Variants in TSHZ3 observed in about 807,000 individuals in gnomAD.
TSHZ3 encodes teashirt zinc finger homeobox 3, also known as teashirt homolog 3.
A neutral mutation model predicts 64.5 loss-of-function variants in TSHZ3; 10 were observed. The ratio of observed to expected loss-of-function variants is 0.16; its 90% CI spans 0.10 to 0.26. TSHZ3 has a LOEUF of 0.26. Among genes scored for constraint, TSHZ3 ranks in the 10% least tolerant of loss-of-function variants. The pLI, the probability that TSHZ3 is intolerant of heterozygous loss-of-function variation, is 1.00. For missense variants in TSHZ3, 1,242 were observed against 1,421.7 expected, an observed-to-expected ratio of 0.87 and a Z score of 2.03; for synonymous variants, 608 against 593.1, an observed-to-expected ratio of 1.03 and a Z score of -0.36.
At chr19:31,295,981 T>C (rs894106051) in intron 1 of TSHZ3, among the ~76,000 whole-genome samples, 3 of 146,730 alleles carry the variant, frequency 2.0e-5, no homozygotes, top group Non-Finnish European at 3.0e-5. Context: ...CCCATCTTTA[T>C]GGCCATGTGT....
At chr19:31,335,470 T>G (rs1214745925) in intron 1 of TSHZ3, among the ~76,000 whole-genome samples, 1 of 152,202 alleles carries the variant, frequency 6.6e-6, no homozygotes, top group Non-Finnish European at 1.5e-5. Flanking sequence ...TCTCTGGCAT[T>G]CCTGCAGCAC....
At chr19:31,224,759 T>C (rs909022268) in intron 4 of TSHZ3, among the ~76,000 whole-genome samples, 1 of 152,170 alleles carries the variant, frequency 6.6e-6, no homozygotes. Context: ...TTAAAAACAA[T>C]AAAACAAGGG....
chr19:31,201,882 C>T (rs1975092205), intron 5 of TSHZ3, among the ~76,000 whole-genome samples: 2 of 152,138 alleles, frequency 1.3e-5, no homozygotes, highest in African/African-American at 4.8e-5. Context: ...CATAAAAAGT[C>T]ATGGCTGGGC....
chr19:31,165,656 C>T (rs927650316), intron 5 of TSHZ3, among the ~76,000 whole-genome samples: 4 of 152,070 alleles, frequency 2.6e-5, no homozygotes, highest in East Asian at 1.9e-4. Flanking sequence ...TGCCCTGACC[C>T]GGGGAGATCC....
intron 1 of TSHZ3, among the ~76,000 whole-genome samples, chr19:31,309,503 C>G (rs994525724): frequency 3.3e-5 from 5 of 152,138 alleles, no homozygotes; most frequent in Non-Finnish European, 7.3e-5. Context: ...ACATATGACA[C>G]TCATTTGAGG....
At chr19:31,212,955 G>A (rs1208421082) in intron 4 of TSHZ3, among the ~76,000 whole-genome samples, 1 of 152,034 alleles carries the variant, frequency 6.6e-6, no homozygotes, top group Non-Finnish European at 1.5e-5. Flanking sequence ...AAAAGACATG[G>A]GAGAATCTCA....
At chr19:31,316,403 G>A (rs573489832) in intron 1 of TSHZ3, among the ~76,000 whole-genome samples, 18 of 152,294 alleles carry the variant, frequency 1.2e-4, no homozygotes, top group African/African-American at 3.6e-4. Flanking sequence ...AATGCTGCTC[G>A]GAGACTCTGG....
intron 3 of TSHZ3, among the ~76,000 whole-genome samples, chr19:31,230,442 A>G (rs1171207491): frequency 1.3e-5 from 2 of 152,182 alleles, no homozygotes; most frequent in African/African-American, 4.8e-5. Context: ...TTCTGCAATA[A>G]AAATGTATTA....
intron 3 of TSHZ3, among the ~76,000 whole-genome samples, chr19:31,228,694 C>T (rs1034536840): frequency 1.3e-5 from 2 of 152,056 alleles, no homozygotes; most frequent in Non-Finnish European, 2.9e-5. Flanking sequence ...AGCACCTTCC[C>T]ATGGACAGAT....
At chr19:31,230,426 C>T (rs780458589) in intron 3 of TSHZ3, among the ~76,000 whole-genome samples, 12 of 152,106 alleles carry the variant, frequency 7.9e-5, no homozygotes, top group Admixed American at 3.9e-4. Context: ...CATTATTCCT[C>T]AAATATTCTG....
intron 1 of TSHZ3, among the ~76,000 whole-genome samples, chr19:31,334,934 G>A (rs538913085): frequency 1.3e-5 from 2 of 152,056 alleles, no homozygotes; most frequent in Non-Finnish European, 2.9e-5. Context: ...CCTTCTTCCT[G>A]CCCTCTCTCT....
chr19:31,223,310 A>T (rs1196668433), intron 4 of TSHZ3, among the ~76,000 whole-genome samples: 1 of 151,936 alleles, frequency 6.6e-6, no homozygotes, highest in Non-Finnish European at 1.5e-5. Context: ...CCTCATGTGT[A>T]TACCTTCTCC....
chr19:31,164,128 A>T (rs6510187), intron 5 of TSHZ3, among the ~76,000 whole-genome samples: 3 of 152,044 alleles, frequency 2.0e-5, no homozygotes, highest in African/African-American at 4.8e-5. Flanking sequence ...GGACAGCCAG[A>T]GGTCTAGAGG....
chr19:31,263,303 G>A (rs569101002), intron 1 of TSHZ3, among the ~76,000 whole-genome samples: 1 of 152,318 alleles, frequency 6.6e-6, no homozygotes, highest in East Asian at 1.9e-4. Context: ...TTTTCATGGA[G>A]GAAGGACAAA....
At chr19:31,206,353 G>A (rs1043687559) in intron 4 of TSHZ3, among the ~76,000 whole-genome samples, 4 of 151,946 alleles carry the variant, frequency 2.6e-5, no homozygotes, top group African/African-American at 7.3e-5. Flanking sequence ...GGGTGGATGG[G>A]TGTATGGATG....
At chr19:31,195,136 C>T (rs143454826) in intron 5 of TSHZ3, among the ~76,000 whole-genome samples, 145 of 151,968 alleles carry the variant, frequency 9.5e-4, no homozygotes, top group African/African-American at 3.4e-3. Flanking sequence ...TATGGGAATA[C>T]CAGACAGAGA....
At chr19:31,272,128 C>A (rs117586255), downstream of TSHZ3, among the ~76,000 whole-genome samples, 7 of 152,054 alleles carry the variant, frequency 4.6e-5, no homozygotes, top group Non-Finnish European at 1.0e-4. Flanking sequence ...GTTTTCATCC[C>A]GGACTTGTTC....
chr19:31,171,606 A>C (rs183384785), intron 5 of TSHZ3, among the ~76,000 whole-genome samples: 1 of 150,382 alleles, frequency 6.6e-6, no homozygotes, highest in Non-Finnish European at 1.5e-5. Flanking sequence ...TGTTTATTCA[A>C]AAAAGAAAAA....
intron 4 of TSHZ3, among the ~76,000 whole-genome samples, chr19:31,214,717 G>T (rs1259652288): frequency 2.0e-5 from 3 of 151,832 alleles, no homozygotes; most frequent in Non-Finnish European, 4.4e-5. Flanking sequence ...GACCATCCTG[G>T]CTAACACGGT....
Sources: allele counts gnomAD v4.1 joint callset (sites outside exome capture counted in the v4.1 genomes callset), GRCh38; gene constraint gnomAD v4.1.1; transcripts MANE v1.5; gene names NCBI Gene and HGNC (gene_info 2026-07-23, HGNC 2026-07-21).